Variants in ACSM3 observed in about 807,000 individuals in gnomAD.
The protein encoded by ACSM3 is acyl-CoA synthetase medium chain family member 3, also known as acyl-coenzyme A synthetase ACSM3, mitochondrial.
In ACSM3, 61 loss-of-function variants were observed where a neutral mutation model predicts 74.1. The observed-to-expected ratio is 0.82, with a 90% CI of 0.67 to 1.02. ACSM3 has a LOEUF of 1.02. Among genes scored for constraint, ACSM3 ranks in the 50% least tolerant of loss-of-function variants. ACSM3 has a pLI of 0.00. For synonymous variants in ACSM3, 213 were observed against 241.5 expected (o/e 0.88, Z 1.09); for missense variants, 660 against 697.0 (o/e 0.95, Z 0.60).
At chr16:20,792,153 A>T in intron 11 of ACSM3, 24 bp downstream of exon 11, 1 of 1,614,100 alleles carries the variant, frequency 6.2e-7, no homozygotes, top group Non-Finnish European at 8.5e-7. Context: ...CCATATGTGC[A>T]TATGTCTGTG....
intron 1 of ACSM3, among the ~76,000 whole-genome samples, chr16:20,704,491 G>A (rs1371873138): frequency 6.6e-6 from 1 of 152,148 alleles, no homozygotes; most frequent in Non-Finnish European, 1.5e-5. Context: ...ACAGGCCCTT[G>A]TAAATCATAC....
intron 1 of ACSM3, among the ~76,000 whole-genome samples, chr16:20,733,203 T>C (rs2079841664): frequency 6.6e-6 from 1 of 152,258 alleles, no homozygotes; most frequent in Admixed American, 6.5e-5. Context: ...GTAATGATGG[T>C]TTCTAGTGTT....
chr16:20,757,911 G>C (rs1321594473), intron 3 of ACSM3, among the ~76,000 whole-genome samples: 1 of 152,052 alleles, frequency 6.6e-6, no homozygotes, highest in Admixed American at 6.5e-5. Context: ...TTTTGTCTTT[G>C]GTTCTGTTTA....
At chr16:20,717,971 A>G (rs926691054) in intron 1 of ACSM3, among the ~76,000 whole-genome samples, 32 of 107,700 alleles carry the variant, frequency 3.0e-4, no homozygotes, top group Non-Finnish European at 4.2e-4. Context: ...AAGAAGAAGA[A>G]GAAGAAGAAG....
In ACSM3 at chr16:20,776,067, T is replaced by G; in HGVS notation, c.430+18T>G. 5 of 1,612,210 alleles carry G rather than the reference T, an allele frequency of 3.1e-6. No individual in the cohort carries two copies. Among genetic ancestry groups the G allele is most frequent in the Non-Finnish European group, 4.2e-6 (5 of 1,178,396 alleles). ...GCGAACAGGTTAGTAATGTTTGCTT[T>G]CCGATCATATTTATTACTAAGCTGG... On this transcript the variant is annotated intron_variant, in intron 3 of 13. Transcript: ENST00000289416.
chr16:20,708,949 T>C (rs760663851), intron 1 of ACSM3, among the ~76,000 whole-genome samples: 29 of 152,228 alleles, frequency 1.9e-4, no homozygotes, highest in Non-Finnish European at 3.5e-4. Context: ...TGCAATAGAA[T>C]AGAGCCCAGA....
At chr16:20,745,896 C>A (rs1286251574) in intron 1 of ACSM3, among the ~76,000 whole-genome samples, 3 of 152,204 alleles carry the variant, frequency 2.0e-5, no homozygotes, top group South Asian at 4.1e-4. Flanking sequence ...ACACTTCCTG[C>A]CTTAGTCTCT....
At position 20,796,976 on chromosome 16, in the gene ACSM3, T is replaced by C. The variant is rs753246621; in HGVS notation, c.*4T>C. 6.2e-7 allele frequency: 1 copy of C among 1,611,156 alleles called. No homozygotes were observed. Among genetic ancestry groups the C allele is most frequent in the East Asian group, 2.2e-5 (1 of 44,678 alleles). On this transcript the variant is annotated 3_prime_UTR_variant, in exon 14 of 14. Coordinates refer to ENST00000289416, the MANE Select transcript of ACSM3 (RefSeq NM_005622.4). Reference sequence around the variant, plus strand: ...GAAAGAATGGAAGACAATTTAAAGTTGTTTCATTAATTACCATATCTATAA... The same window carrying C: ...GAAAGAATGGAAGACAATTTAAAGTCGTTTCATTAATTACCATATCTATAA...
chr16:20,761,511 G>A (rs1265464863), upstream of ACSM3, among the ~76,000 whole-genome samples: 1 of 152,148 alleles, frequency 6.6e-6, no homozygotes, highest in Non-Finnish European at 1.5e-5. Context: ...CCAAGCTGGT[G>A]TCCACTGGAG....
At chr16:20,712,198 C>T (rs1349105113) in intron 1 of ACSM3, among the ~76,000 whole-genome samples, 3 of 152,136 alleles carry the variant, frequency 2.0e-5, no homozygotes, top group African/African-American at 7.2e-5. Context: ...TGCATCCACA[C>T]TCATTTATTT....
At chr16:20,785,397 C>T (rs1321653159) in intron 8 of ACSM3, among the ~76,000 whole-genome samples, 1 of 151,960 alleles carries the variant, frequency 6.6e-6, no homozygotes, top group African/African-American at 2.4e-5. Context: ...AGAATTCCTC[C>T]CAGTGTGATA....
intron 1 of ACSM3, chr16:20,682,081 C>T (rs2152310272): frequency 1.6e-6 from 1 of 607,860 alleles, no homozygotes. Context: ...CCATGAAATG[C>T]TTAAAAGGTA....
Position 20,728,236 on chromosome 16 carries a change from T to C in ACSM3, c.-189-21674T>C, listed in dbSNP as rs554077361. 6 of 392,516 alleles carry C rather than the reference T, an allele frequency of 1.5e-5. No individual in the cohort carries two copies. In the East Asian group the frequency reaches 2.5e-4, roughly 17 times the overall value. 24.3% of individuals were successfully genotyped at this position (392,516 alleles called of 1,614,324 possible). Reference sequence around the variant, plus strand: ...ATGGGGAAAGAATGCTTCACTATGATGTCCAGGTAGGTTGAGAAAATATCT... The same window carrying C: ...ATGGGGAAAGAATGCTTCACTATGACGTCCAGGTAGGTTGAGAAAATATCT... On this transcript the variant is annotated intron_variant, in intron 1 of 3. Coordinates refer to the ACSM3 transcript ENST00000561584.
chr16:20,691,399 C>A lies in ACSM3; in HGVS notation c.-190+16577C>A, dbSNP rs2079650473. Reference sequence around the variant, plus strand: ...TTTTGGTGGGGATTTATCTTCCCAGCTGAGGAACCACATGGCAGAAAACGC... The same window carrying A: ...TTTTGGTGGGGATTTATCTTCCCAGATGAGGAACCACATGGCAGAAAACGC... On this transcript the variant is annotated intron_variant, in intron 1 of 3. Transcript: ENST00000561584. 8.0e-6 allele frequency: 4 copies of A among 502,032 alleles called. No homozygotes were observed. The Admixed American group carries it at 1.2e-4, about 16-fold the overall frequency. 31.1% of individuals were successfully genotyped at this position (502,032 alleles called of 1,614,324 possible).
At chr16:20,734,494 C>T (rs1337278682) in intron 1 of ACSM3, 5 of 152,134 alleles carry the variant, frequency 3.3e-5, no homozygotes. Flanking sequence ...ACAGAACCAC[C>T]AGCTAGGAGG....
chr16:20,787,931 T>C (rs1389703664), intron 9 of ACSM3, among the ~76,000 whole-genome samples: 3 of 152,090 alleles, frequency 2.0e-5, no homozygotes, highest in Non-Finnish European at 4.4e-5. Context: ...ACCACTTCAG[T>C]CTCAGATGGT....
intron 7 of ACSM3, chr16:20,784,504 T>C (rs761274613): frequency 5.2e-5 from 8 of 152,752 alleles, no homozygotes; most frequent in Admixed American, 1.3e-4. Context: ...TAAAGTGTTA[T>C]TATGGTGCTC....
Position 20,792,137 on chromosome 16 carries a change from T to C in ACSM3, c.1454+8T>C. Reference sequence around the variant, plus strand: ...TGTCATATTATCCTCTGGGTAACTTTCTTTTCCATATGTGCATATGTCTGT... The same window carrying C: ...TGTCATATTATCCTCTGGGTAACTTCCTTTTCCATATGTGCATATGTCTGT... On this transcript the variant is annotated splice_region_variant and intron_variant, in intron 11 of 13. Transcript: ENST00000289416. 6.2e-7 allele frequency: 1 copy of C among 1,614,166 alleles called. No homozygotes were observed. The highest frequency in any genetic ancestry group is 8.5e-7 in the Non-Finnish European group (1 of 1,180,002).
Position 20,753,291 on chromosome 16 carries a change from C to T in ACSM3, c.-95-2282C>T, listed in dbSNP as rs1321827507. Among the ~76,000 whole-genome samples the T allele has an allele frequency of 2.0e-5, 3 of 151,756 alleles. No individual in the cohort carries two copies. The East Asian group carries it at 5.8e-4, about 29-fold the overall frequency. On this transcript the variant is annotated intron_variant, in intron 2 of 3. Coordinates refer to the ACSM3 transcript ENST00000561584. ...CCAGCCCGGCCAACATGGTGAAACC[C>T]CGTCTCTACTAAAAATACAAAAATT...
Sources: gnomAD v4.1 joint callset for allele counts (sites outside exome capture counted in the v4.1 genomes callset) on GRCh38, gnomAD v4.1.1 for gene constraint, MANE v1.5 for transcripts, NCBI Gene and HGNC (gene_info 2026-07-23, HGNC 2026-07-21) for gene names.